SRSF7: variants seen among roughly 807,000 people sequenced by gnomAD.
The protein encoded by SRSF7 is serine and arginine rich splicing factor 7, also known as serine/arginine-rich splicing factor 7.
SRSF7 carries 15 observed loss-of-function variants against 42.2 expected under a neutral mutation model. That is an observed-to-expected ratio of 0.36 (90% CI 0.24 to 0.55). The LOEUF (loss-of-function observed/expected upper bound fraction) is 0.55, where lower values mean the gene tolerates loss of function less well. Among genes scored for constraint, SRSF7 ranks in the 20% least tolerant of loss-of-function variants. The pLI, the probability that SRSF7 is intolerant of heterozygous loss-of-function variation, is 0.88. For missense variants in SRSF7, 181 were observed against 305.9 expected (o/e 0.59, Z 3.04); for synonymous variants, 138 against 107.9 (o/e 1.28, Z -1.73).
chr2:38,748,100 T>TGATCTTGATCTACGAAGAGAGATA lies in SRSF7; in HGVS notation c.495_518dup (p.Ile166_Ser173dup). On this transcript the variant is annotated inframe_insertion, in exon 5 of 8. Coordinates refer to ENST00000313117, the MANE Select transcript of SRSF7 (RefSeq NM_001031684.3). The stretch of plus-strand genomic sequence containing the variant: ...CAGACCTAGATCTTCTGAGTGAAGC[T>TGATCTTGATCTACGAAGAGAGATA]GATCTTGATCTACGAAGAGAGATAG... The TGATCTTGATCTACGAAGAGAGATA allele has an allele frequency of 1.2e-6, 2 of 1,613,976 alleles. No individual in the cohort carries two copies. The highest frequency in any genetic ancestry group is 1.7e-6 in the Non-Finnish European group (2 of 1,179,980).
Position 38,749,699 on chromosome 2 carries a change from A to T in SRSF7, c.216T>A (p.Ile72=). 1.3e-6 allele frequency: 2 copies of T among 1,549,666 alleles called. No individual in the cohort carries two copies. Among genetic ancestry groups the T allele is most frequent in the East Asian group, 2.3e-5 (1 of 43,976 alleles). ...DAVRGLDGKV[I]CGSRVRVELS... is the part of the protein sequence containing the mutation. ...GTTCAACCCTCACTCGGGAGCCACAAATCACCCTAATAAAAGCAAATTAAC... is the reference window on the plus strand; with the variant it reads ...GTTCAACCCTCACTCGGGAGCCACATATCACCCTAATAAAAGCAAATTAAC... The change falls in exon 3 of 8, where the codon ATT becomes ATA. Residue 72 remains isoleucine (I), a synonymous_variant. Transcript: ENST00000313117.
At chr2:38,750,669 G>A (rs1429634497) in intron 1 of SRSF7, among the ~76,000 whole-genome samples, 1 of 144,504 alleles carries the variant, frequency 6.9e-6, no homozygotes, top group Non-Finnish European at 1.5e-5. Context: ...CCGCCCCAGA[G>A]CCATAAACCG....
chr2:38,751,065 C>G, intron 1 of SRSF7, 164 bp downstream of exon 1: 1 of 833,120 alleles, frequency 1.2e-6, no homozygotes, highest in Non-Finnish European at 2.0e-6. Context: ...CATCCCGTCT[C>G]CCTTCAGCAC....
chr2:38,750,235 A>T, intron 1 of SRSF7, 41 bp from the exon 2 acceptor site: 1 of 1,550,152 alleles, frequency 6.5e-7, no homozygotes, highest in Non-Finnish European at 8.7e-7. Flanking sequence ...GTTACGCAAA[A>T]TCTGGCCCAA....
At chr2:38,746,653 T>C in intron 6 of SRSF7, 41 bp downstream of exon 6, 1 of 1,607,360 alleles carries the variant, frequency 6.2e-7, no homozygotes, top group Non-Finnish European at 8.5e-7. Context: ...TGGATATTGG[T>C]GCCATATAAC....
At chr2:38,749,209 T>A in intron 3 of SRSF7, 3 of 1,348,592 alleles carry the variant, frequency 2.2e-6, no homozygotes, top group Non-Finnish European at 9.8e-7. Flanking sequence ...TGTAGATGAC[T>A]CGAGGGGATC....
chr2:38,749,641 C>CA lies in SRSF7; in HGVS notation c.273dup (p.Asp92Ter). The CA allele has an allele frequency of 6.2e-7, 1 of 1,604,872 alleles. No individual in the cohort carries two copies. The highest frequency in any genetic ancestry group is 8.5e-7 in the Non-Finnish European group (1 of 1,177,600). The stretch of plus-strand genomic sequence containing the variant: ...AAGGGACGTCGGGCAGGTGGTCTAT[C>CA]AAAACGTGATCTCCGAGGCATGCCT... On this transcript the variant is annotated frameshift_variant, in exon 3 of 8. Coordinates refer to ENST00000313117, the MANE Select transcript of SRSF7 (RefSeq NM_001031684.3). LOFTEE classifies it high-confidence loss of function.
rs776038599 is a variant in SRSF7 at position 38,749,975 on chromosome 2, A to G, written c.209+39T>C. 23 of 1,567,468 alleles carry G rather than the reference A, an allele frequency of 1.5e-5. No homozygotes were observed. In the East Asian group the frequency reaches 3.4e-4, roughly 23 times the overall value. ...ACTAAGTTCATTATCTAGCCACAGT[A>G]TATTTTAATGAACAGAAGATTCATA... On this transcript the variant is annotated intron_variant, in intron 2 of 7. Coordinates refer to ENST00000313117, the MANE Select transcript of SRSF7 (RefSeq NM_001031684.3).
At chr2:38,747,982 T>TA (rs1235836505) in intron 5 of SRSF7, 65 bp downstream of exon 5, 2 of 1,209,448 alleles carry the variant, frequency 1.7e-6, no homozygotes, top group Non-Finnish European at 2.4e-6. Flanking sequence ...ATTATGTCCT[T>TA]AAGACACTCT....
chr2:38,750,322 A>G lies in SRSF7; in HGVS notation c.29-128T>C, dbSNP rs1668098465. The stretch of plus-strand genomic sequence containing the variant: ...GCACATTTAATGCCCTCTATCCAAG[A>G]CAAAACTTAGTCGTAAAACTGGTGA... On this transcript the variant is annotated intron_variant, in intron 1 of 7. Transcript: ENST00000313117. 6.6e-6 allele frequency: 5 copies of G among 759,980 alleles called. No individual in the cohort carries two copies. The South Asian group carries it at 1.0e-4, about 16-fold the overall frequency. The allele number at this position is 759,980 out of a possible 1,614,324, so 47.1% of individuals were successfully genotyped here.
rs1668086345 is a variant in SRSF7, at chr2:38,750,262, T to A, written c.29-68A>T. Reference sequence around the variant, plus strand: ...CTGGCCCAAGTTTCAATTACTTATTTGCCTTAAAACGGGCCATCCTCAAGA... The same window carrying A: ...CTGGCCCAAGTTTCAATTACTTATTAGCCTTAAAACGGGCCATCCTCAAGA... On this transcript the variant is annotated intron_variant, in intron 1 of 7. Coordinates refer to ENST00000313117, the MANE Select transcript of SRSF7 (RefSeq NM_001031684.3). 3.4e-6 allele frequency: 5 copies of A among 1,453,838 alleles called. No homozygotes were observed. In the East Asian group the frequency reaches 9.2e-5, roughly 27 times the overall value. 90.1% of individuals were successfully genotyped at this position (1,453,838 alleles called of 1,614,324 possible).
chr2:38,748,838 G>T, intron 3 of SRSF7, 185 bp from the exon 4 acceptor site: 1 of 1,318,702 alleles, frequency 7.6e-7, no homozygotes, highest in Non-Finnish European at 1.0e-6. Flanking sequence ...TTTGTTAAAA[G>T]CTGAATTACA....
intron 1 of SRSF7, chr2:38,750,934 G>T (rs369174876): frequency 3.2e-5 from 12 of 378,392 alleles, no homozygotes; most frequent in South Asian, 3.0e-4. Flanking sequence ...GGGGGGGGAG[G>T]GGGGCCGGCG....
chr2:38,749,842 G>A, intron 2 of SRSF7, 137 bp from the exon 3 acceptor site: 1 of 1,249,862 alleles, frequency 8.0e-7, no homozygotes. Context: ...TCTTTACCAA[G>A]CCCTAACTCC....
In SRSF7 at chr2:38,748,551, G is replaced by A. The variant is rs1040168832; in HGVS notation, c.461+28C>T. 4 of 1,605,826 alleles carry A rather than the reference G, an allele frequency of 2.5e-6. No homozygotes were observed. In the African/African-American group the frequency reaches 4.0e-5, roughly 16 times the overall value. On this transcript the variant is annotated intron_variant, in intron 4 of 7. Coordinates refer to ENST00000313117, the MANE Select transcript of SRSF7 (RefSeq NM_001031684.3). ...TACCAGTGAATTTAATAATAATACAGAAAGACTTCAGTTAAACAAGATCTC... is the reference window on the plus strand; with the variant it reads ...TACCAGTGAATTTAATAATAATACAAAAAGACTTCAGTTAAACAAGATCTC...
chr2:38,750,944 G>A, intron 1 of SRSF7: 1 of 386,502 alleles, frequency 2.6e-6, no homozygotes, highest in Admixed American at 3.8e-5. Flanking sequence ...GGGGGCCGGC[G>A]GGCAGCTCCG....
Position 38,744,278 on chromosome 2 carries a change from G to C in SRSF7, c.*855C>G. ...ATTTGAATAGATGAAGAGTATCTGG[G>C]CTGGAAAATTTTGCAAAGCTGGTTT... On this transcript the variant is annotated 3_prime_UTR_variant, in exon 8 of 8. Coordinates refer to ENST00000313117, the MANE Select transcript of SRSF7 (RefSeq NM_001031684.3). 1.3e-5 allele frequency: 2 copies of C among 152,588 alleles called. No individual in the cohort carries two copies. Among genetic ancestry groups the C allele is most frequent in the South Asian group, 2.1e-4 (1 of 4,826 alleles). The allele number at this position is 152,588 out of a possible 1,614,324, so 9.5% of individuals were successfully genotyped here. A position where few individuals can be genotyped will look rare whatever the true frequency, so the allele number is the denominator to read the frequency against.
At chr2:38,749,484 CTTGA>C (rs755921536) in intron 3 of SRSF7, 41 bp downstream of exon 3, 25 of 1,543,988 alleles carry the variant, frequency 1.6e-5, no homozygotes, top group East Asian at 9.1e-5. Context: ...AAAAGAATTA[CTTGA>C]TTAACTAGAA....
chr2:38,747,743 C>G (rs1667682453), intron 5 of SRSF7, among the ~76,000 whole-genome samples: 1 of 152,114 alleles, frequency 6.6e-6, no homozygotes. Context: ...TCTTTCAGAG[C>G]TAGTATCATC....
Sources: allele counts gnomAD v4.1 joint callset (sites outside exome capture counted in the v4.1 genomes callset), GRCh38; gene constraint gnomAD v4.1.1; transcripts MANE v1.5; gene names NCBI Gene and HGNC (gene_info 2026-07-23, HGNC 2026-07-21).